Variants in MAP2K5 observed in about 807,000 individuals in gnomAD.
MAP2K5 encodes dual specificity mitogen-activated protein kinase kinase 5.
MAP2K5 carries 49 observed loss-of-function variants against 83.1 expected under a neutral mutation model. The ratio of observed to expected loss-of-function variants is 0.59; its 90% CI spans 0.47 to 0.75. The LOEUF (loss-of-function observed/expected upper bound fraction) is 0.75. Ranked by LOEUF, MAP2K5 falls within the 30% of genes least tolerant of loss-of-function variation. The pLI is 0.00. For synonymous variants in MAP2K5, 202 were observed against 191.8 expected (o/e 1.05, Z -0.44); for missense variants, 457 against 557.5 (o/e 0.82, Z 1.82).
At position 67,801,028 on chromosome 15, in the gene MAP2K5, T is replaced by G. The variant is rs1198172940; in HGVS notation, c.1243-5618T>G. 6.6e-6 allele frequency among the ~76,000 whole-genome samples: 1 copy of G among 152,160 alleles called. No individual in the cohort carries two copies. Among genetic ancestry groups the G allele is most frequent in the Non-Finnish European group, 1.5e-5 (1 of 68,026 alleles). ...TTTTTAAAACTGTAGCTAAAAATTT[T>G]CTTAACAGAATTTGAAACCGCTGCA... On this transcript the variant is annotated intron_variant, in intron 21 of 21. Transcript: ENST00000178640. This position sits in a 1 kb window ranked among gnomAD's most constrained non-coding sequence, Gnocchi z 4.8.
At chr15:67,721,076 T>C (rs1316842071) in intron 16 of MAP2K5, among the ~76,000 whole-genome samples, 3 of 152,242 alleles carry the variant, frequency 2.0e-5, no homozygotes, top group Non-Finnish European at 4.4e-5. Context: ...AAGTGTCTAC[T>C]GTAATAAGCC....
chr15:67,546,542 A>T (rs2084392449), intron 1 of MAP2K5: 2 of 979,994 alleles, frequency 2.0e-6, no homozygotes, highest in South Asian at 4.7e-5. Context: ...TGTCTGAATC[A>T]TCAGGGACTG....
chr15:67,635,838 G>C (rs76203356), intron 9 of MAP2K5, among the ~76,000 whole-genome samples: 2 of 151,956 alleles, frequency 1.3e-5, no homozygotes, highest in Non-Finnish European at 1.5e-5. Context: ...TTAAATCTTT[G>C]TTCCTCTGTA....
chr15:67,571,781 C>T (rs1053418989), intron 3 of MAP2K5, among the ~76,000 whole-genome samples: 1 of 152,102 alleles, frequency 6.6e-6, no homozygotes, highest in Non-Finnish European at 1.5e-5. Context: ...CAATAGAGAG[C>T]TGGGGCCTGA....
rs183487252 is a variant in MAP2K5, at chr15:67,802,114, C to T, written c.1243-4532C>T. On this transcript the variant is annotated intron_variant, in intron 21 of 21. Transcript: ENST00000178640. This position sits in a 1 kb window ranked among gnomAD's most constrained non-coding sequence, Gnocchi z 5.0. The stretch of plus-strand genomic sequence containing the variant: ...CCCCTGCCTCCACGTGGGAGGGGCC[C>T]GGGAGTGTCCTGCTGTCAGTCCATC... 2.6e-3 allele frequency among the ~76,000 whole-genome samples: 399 copies of T among 152,236 alleles called. 1 individual carries two copies. The highest frequency in any genetic ancestry group is 9.2e-3 in the African/African-American group (382 of 41,532).
At position 67,572,474 on chromosome 15, in the gene MAP2K5, A is replaced by T. The variant is rs1179733277; in HGVS notation, c.253-8280A>T. On this transcript the variant is annotated intron_variant, in intron 3 of 21. Transcript: ENST00000178640. This position sits in a 1 kb window ranked among gnomAD's most constrained non-coding sequence, Gnocchi z 4.2. The stretch of plus-strand genomic sequence containing the variant: ...GAATTCAGAGTGAGTCCACAGTGCA[A>T]AGTGAAAGTAAGTTTATTAAGAAAG... 2.0e-5 allele frequency among the ~76,000 whole-genome samples: 3 copies of T among 152,154 alleles called. No homozygotes were observed. The highest frequency in any genetic ancestry group is 4.4e-5 in the Non-Finnish European group (3 of 68,018).
At chr15:67,718,238 C>T (rs2088872245) in intron 16 of MAP2K5, 1 of 152,128 alleles carries the variant, frequency 6.6e-6, no homozygotes, top group African/African-American at 2.4e-5. Flanking sequence ...TCTCAAATAC[C>T]CACAGCTGCA....
At chr15:67,628,747 A>G in intron 8 of MAP2K5, 2 of 765,668 alleles carry the variant, frequency 2.6e-6, no homozygotes, top group East Asian at 4.9e-5. Flanking sequence ...CAGCCAGCCA[A>G]AGAGGTCGAA....
In MAP2K5 at chr15:67,768,066, GT is replaced by G. The variant is rs1370138786; in HGVS notation, c.1135-1530del. Among the ~76,000 whole-genome samples the G allele has an allele frequency of 6.6e-6, 1 of 151,958 alleles. No individual in the cohort carries two copies. The highest frequency in any genetic ancestry group is 2.4e-5 in the African/African-American group (1 of 41,366). On this transcript the variant is annotated intron_variant, in intron 19 of 21. Transcript: ENST00000178640. This position sits in a 1 kb window ranked among gnomAD's most constrained non-coding sequence, Gnocchi z 4.0. Reference sequence around the variant, plus strand: ...GCCTCTTCGGTGTTTTTTGTTGTCTGTTTTTTGTTGTTTTTGTTTGTTTTTT... The same window carrying G: ...GCCTCTTCGGTGTTTTTTGTTGTCTGTTTTTGTTGTTTTTGTTTGTTTTTT...
chr15:67,568,017 A>G (rs973712221), intron 3 of MAP2K5, among the ~76,000 whole-genome samples: 1 of 152,316 alleles, frequency 6.6e-6, no homozygotes, highest in South Asian at 2.1e-4. Context: ...TTTCTGCTAA[A>G]TCCTGTGTCT....
intron 19 of MAP2K5, among the ~76,000 whole-genome samples, chr15:67,759,945 G>A (rs1369301838): frequency 3.3e-5 from 5 of 152,204 alleles, no homozygotes; most frequent in Non-Finnish European, 7.3e-5. Context: ...CTGTCCTTTC[G>A]GCGATATTGT....
At chr15:67,594,263 A>C (rs550374780) in intron 7 of MAP2K5, among the ~76,000 whole-genome samples, 8 of 152,300 alleles carry the variant, frequency 5.3e-5, no homozygotes, top group African/African-American at 1.9e-4. Flanking sequence ...TGAGGTCCAC[A>C]TCTGTATCAC....
rs774745291 is a variant in MAP2K5, at chr15:67,750,862, A to G, written c.1134+2261A>G. On this transcript the variant is annotated intron_variant, in intron 19 of 21. Transcript: ENST00000178640. The surrounding 1 kb of genome is among the most constrained non-coding windows in gnomAD (Gnocchi z 4.2). ...GGATTTACCCCGTTGTGAAGTGGGT[A>G]TCTGTTGCTAGTATATACTATTTCC... Among the ~76,000 whole-genome samples, 4 of 152,086 alleles carry G rather than the reference A, an allele frequency of 2.6e-5. No individual in the cohort carries two copies. The highest frequency in any genetic ancestry group is 5.9e-5 in the Non-Finnish European group (4 of 68,024).
At chr15:67,580,989 T>C (rs939416230) in intron 4 of MAP2K5, among the ~76,000 whole-genome samples, 166 bp downstream of exon 4, 1 of 152,214 alleles carries the variant, frequency 6.6e-6, no homozygotes, top group Non-Finnish European at 1.5e-5. Context: ...ATTATAGTTA[T>C]GGCAGATAAA....
chr15:67,628,079 C>T, intron 8 of MAP2K5: 1 of 748,708 alleles, frequency 1.3e-6, no homozygotes, highest in South Asian at 1.3e-5. Flanking sequence ...CAAGGCCACG[C>T]AAGGTGGACG....
At chr15:67,624,055 C>CG (rs1376784631) in intron 8 of MAP2K5, among the ~76,000 whole-genome samples, 3 of 151,408 alleles carry the variant, frequency 2.0e-5, no homozygotes, top group Non-Finnish European at 4.4e-5. Context: ...CGTGGGAGAG[C>CG]TAGGCCGGGC....
At chr15:67,604,471 AT>A (rs1169073169) in intron 8 of MAP2K5, among the ~76,000 whole-genome samples, 2 of 152,212 alleles carry the variant, frequency 1.3e-5, no homozygotes, top group Non-Finnish European at 2.9e-5. Flanking sequence ...AGAGAATAGT[AT>A]GTGTTGTGGT....
intron 13 of MAP2K5, among the ~76,000 whole-genome samples, chr15:67,692,122 G>A (rs1030395064): frequency 6.6e-6 from 1 of 152,088 alleles, no homozygotes; most frequent in Non-Finnish European, 1.5e-5. Context: ...CATCCTTTTT[G>A]TGCAAATTCT....
At chr15:67,581,188 A>G (rs2085173639) in intron 4 of MAP2K5, among the ~76,000 whole-genome samples, 1 of 152,198 alleles carries the variant, frequency 6.6e-6, no homozygotes, top group Non-Finnish European at 1.5e-5. Flanking sequence ...TATTGAGGAG[A>G]AAGCTTTCAG....
Sources: allele counts gnomAD v4.1 joint callset (sites outside exome capture counted in the v4.1 genomes callset), GRCh38; gene constraint gnomAD v4.1.1; non-coding constraint Gnocchi (gnomAD v3.1); transcripts MANE v1.5; gene names NCBI Gene and HGNC (gene_info 2026-07-23, HGNC 2026-07-21).